Variants in IGSF21 observed in about 807,000 individuals in gnomAD.
IGSF21 encodes the protein immunoglobulin superfamily member 21.
IGSF21 carries 28 observed loss-of-function variants against 46.8 expected under a neutral mutation model. That is an observed-to-expected ratio of 0.60 (90% confidence interval 0.44 to 0.82). IGSF21 has a LOEUF of 0.82. IGSF21 is among the 40% of genes least tolerant of loss of function. The probability of loss-of-function intolerance (pLI) is 0.00; values close to 1 mark genes in which losing one functional copy is unlikely to be tolerated. For missense variants in IGSF21, 624 were observed against 665.5 expected (o/e 0.94, Z 0.69); for synonymous variants, 284 against 273.6 (o/e 1.04, Z -0.38).
chr1:18,235,304 T>C (rs558701763), intron 2 of IGSF21, among the ~76,000 whole-genome samples: 75 of 152,324 alleles, frequency 4.9e-4, no homozygotes, highest in Admixed American at 2.2e-3. Flanking sequence ...CCAGGATGGT[T>C]CTAGGCACTG....
rs3767110 is a variant in IGSF21, at chr1:18,108,097, C to A, written c.-32C>A. 0.019 allele frequency: 21,455 copies of A among 1,149,586 alleles called. 300 individuals carry two copies. The highest frequency in any genetic ancestry group is 0.045 in the East Asian group (1,296 of 28,742). 71.2% of individuals were successfully genotyped at this position (1,149,586 alleles called of 1,614,324 possible). ...CCGCCGCCACCGCCTCCACCCCCGC[C>A]GCCCCGCCACCGCCGCCAGCTCCCG... On this transcript the variant is annotated 5_prime_UTR_variant, in exon 1 of 10. Coordinates refer to ENST00000251296, the MANE Select transcript of IGSF21 (RefSeq NM_032880.5).
chr1:18,173,177 A>C (rs1016625794), intron 1 of IGSF21, among the ~76,000 whole-genome samples: 1 of 152,126 alleles, frequency 6.6e-6, no homozygotes, highest in East Asian at 1.9e-4. Context: ...AGTCTCAGCT[A>C]CTTGGGAGGC....
At chr1:18,211,475 C>A (rs2084390544) in intron 1 of IGSF21, among the ~76,000 whole-genome samples, 2 of 152,248 alleles carry the variant, frequency 1.3e-5, no homozygotes, top group Non-Finnish European at 2.9e-5. Context: ...CCAGGCCCTT[C>A]CGTGCCAAAG....
chr1:18,212,427 A>G (rs1476978090), intron 1 of IGSF21, among the ~76,000 whole-genome samples: 1 of 152,152 alleles, frequency 6.6e-6, no homozygotes, highest in Non-Finnish European at 1.5e-5. Context: ...CCAATAGAAC[A>G]TTTCAGAACA....
rs1557646646 is a variant in IGSF21 at position 18,330,598 on chromosome 1, G to GAT, written c.306-4294_306-4293insAT. On this transcript the variant is annotated intron_variant, in intron 3 of 9. Coordinates refer to ENST00000251296, the MANE Select transcript of IGSF21 (RefSeq NM_032880.5). ...AGGGAAGGTGGGAGACATGGCTGGA[G>GAT]GAAGGGGCAGGGGCGTGGGAGAAGG... 1.5e-3 allele frequency among the ~76,000 whole-genome samples: 110 copies of GAT among 74,076 alleles called. 11 individuals are homozygous for GAT. Among genetic ancestry groups the GAT allele is most frequent in the South Asian group, 3.9e-3 (6 of 1,530 alleles). The allele number at this position is 74,076 out of a possible 152,430, so 48.6% of individuals were successfully genotyped here.
intron 1 of IGSF21, among the ~76,000 whole-genome samples, chr1:18,178,352 A>G (rs189391534): frequency 4.6e-4 from 70 of 152,240 alleles, no homozygotes; most frequent in African/African-American, 1.4e-3. Context: ...CGAAAGGGAG[A>G]CTCGGGTTTC....
At chr1:18,108,985 A>AGTGTGTGT (rs10686337) in intron 1 of IGSF21, among the ~76,000 whole-genome samples, 4,880 of 127,796 alleles carry the variant, frequency 0.038, 161 homozygotes, top group African/African-American at 0.077. Context: ...TGAGCAGCTC[A>AGTGTGTGT]GTGTGTGTGT....
chr1:18,359,286 C>CA (rs754522443), intron 4 of IGSF21, among the ~76,000 whole-genome samples: 35,718 of 83,924 alleles, frequency 0.43, 6,614 homozygotes, highest in African/African-American at 0.51. Context: ...TCAAAAAACA[C>CA]AAAAAAAAAA....
chr1:18,120,486 G>C (rs1395426420), intron 1 of IGSF21, among the ~76,000 whole-genome samples: 1 of 152,138 alleles, frequency 6.6e-6, no homozygotes, highest in Non-Finnish European at 1.5e-5. Flanking sequence ...AACGAGCTGG[G>C]GTCCAAGTAG....
At chr1:18,153,784 C>CAG (rs1316372300) in intron 1 of IGSF21, among the ~76,000 whole-genome samples, 4 of 152,124 alleles carry the variant, frequency 2.6e-5, no homozygotes, top group African/African-American at 9.7e-5. Flanking sequence ...GTCTGAGCCC[C>CAG]AGATGCATGC....
intron 2 of IGSF21, among the ~76,000 whole-genome samples, chr1:18,232,082 G>T (rs2084633087): frequency 6.6e-6 from 1 of 151,848 alleles, no homozygotes; most frequent in South Asian, 2.1e-4. Flanking sequence ...GTCTATTAAA[G>T]CCCTGTCCAA....
intron 2 of IGSF21, among the ~76,000 whole-genome samples, chr1:18,264,754 G>GATTCTCTGAGGACAATTT: frequency 6.6e-6 from 1 of 152,196 alleles, no homozygotes; most frequent in African/African-American, 2.4e-5. Context: ...TGTTCCAGAT[G>GATTCTCTGAGGACAATTT]ATTCTCTGAG....
intron 2 of IGSF21, among the ~76,000 whole-genome samples, chr1:18,244,515 G>A (rs1455641411): frequency 1.3e-5 from 2 of 152,324 alleles, no homozygotes; most frequent in East Asian, 3.9e-4. Flanking sequence ...ACTCAATGCC[G>A]GAACAATGGA....
At chr1:18,143,523 G>A (rs1223416533) in intron 1 of IGSF21, among the ~76,000 whole-genome samples, 3 of 152,052 alleles carry the variant, frequency 2.0e-5, no homozygotes, top group Non-Finnish European at 4.4e-5. Context: ...TCTAATCCTC[G>A]CTTTCCTTGT....
chr1:18,247,475 C>G (rs1020812629), intron 2 of IGSF21, among the ~76,000 whole-genome samples: 1 of 152,088 alleles, frequency 6.6e-6, no homozygotes, highest in African/African-American at 2.4e-5. Flanking sequence ...CTCTTACACT[C>G]AAAGCATCAG....
chr1:18,320,888 C>T (rs1191301520), intron 3 of IGSF21, among the ~76,000 whole-genome samples: 1 of 152,204 alleles, frequency 6.6e-6, no homozygotes, highest in Non-Finnish European at 1.5e-5. Flanking sequence ...TGCCGGTTGA[C>T]TGCTGTGTCC....
rs1429382390 is a variant in IGSF21 at position 18,359,508 on chromosome 1, G to GAAGGAAGGAAGGAAGGAAGA, written c.425-2601_425-2600insGGAAGGAAGGAAGAAAGGAA. On this transcript the variant is annotated intron_variant, in intron 4 of 9. Coordinates refer to ENST00000251296, the MANE Select transcript of IGSF21 (RefSeq NM_032880.5). ...GGAAGGAAGGAAGGAAGGAAGGAAGGAAGGAAAAGCAATCCTCTCCTCTCA... is the reference window on the plus strand; with the variant it reads ...GGAAGGAAGGAAGGAAGGAAGGAAGGAAGGAAGGAAGGAAGGAAGAAAGGAAAAGCAATCCTCTCCTCTCA... Among the ~76,000 whole-genome samples, 85 of 64,136 alleles carry GAAGGAAGGAAGGAAGGAAGA rather than the reference G, an allele frequency of 1.3e-3. 5 individuals are homozygous for GAAGGAAGGAAGGAAGGAAGA. The highest frequency in any genetic ancestry group is 5.8e-3 in the African/African-American group (79 of 13,528). 42.1% of individuals were successfully genotyped at this position (64,136 alleles called of 152,430 possible).
At chr1:18,283,725 C>T (rs538032937) in intron 2 of IGSF21, among the ~76,000 whole-genome samples, 2 of 152,126 alleles carry the variant, frequency 1.3e-5, no homozygotes, top group African/African-American at 2.4e-5. Context: ...TTCTTGCCCC[C>T]CTGCCCGAAA....
chr1:18,266,798 A>G (rs1238802577), intron 2 of IGSF21, among the ~76,000 whole-genome samples: 1 of 152,198 alleles, frequency 6.6e-6, no homozygotes, highest in Non-Finnish European at 1.5e-5. Flanking sequence ...TTTGCAATTC[A>G]CTACGTGACA....
Sources: allele counts gnomAD v4.1 joint callset (sites outside exome capture counted in the v4.1 genomes callset), GRCh38; gene constraint gnomAD v4.1.1; transcripts MANE v1.5; gene names NCBI Gene and HGNC (gene_info 2026-07-23, HGNC 2026-07-21).